FGL1: variants seen among roughly 807,000 people sequenced by gnomAD.
FGL1 encodes the protein fibrinogen-like protein 1.
In FGL1, 59 loss-of-function variants were observed where a neutral mutation model predicts 43.7. That is an observed-to-expected ratio of 1.35 (90% CI 1.10 to 1.68). FGL1 has a LOEUF of 1.68. Among genes scored for constraint, FGL1 ranks in the 40% most tolerant of loss-of-function variants. FGL1 has a pLI of 0.00. For missense variants in FGL1, 596 were observed against 373.0 expected, an observed-to-expected ratio of 1.60 and a Z score of -4.92; for synonymous variants, 192 against 126.5, an observed-to-expected ratio of 1.52 and a Z score of -3.48.
intron 1 of FGL1, chr8:17,891,607 T>C (rs933128805): frequency 2.3e-5 from 19 of 822,160 alleles, no homozygotes; most frequent in East Asian, 1.2e-4. Flanking sequence ...GTACATGTTT[T>C]GGGGGCACAG....
At chr8:17,882,264 T>C in intron 2 of FGL1, 85 bp from the exon 3 acceptor site, 1 of 1,278,588 alleles carries the variant, frequency 7.8e-7, no homozygotes. Flanking sequence ...AAATCAGTGA[T>C]TCCATTTTGT....
chr8:17,865,482 A>T (rs550462967), intron 7 of FGL1, among the ~76,000 whole-genome samples: 8 of 152,304 alleles, frequency 5.3e-5, no homozygotes, highest in African/African-American at 1.9e-4. Context: ...GGGTAAGCAA[A>T]CAAACCTAAA....
At chr8:17,889,391 A>C (rs1328446349) in intron 1 of FGL1, among the ~76,000 whole-genome samples, 1 of 152,040 alleles carries the variant, frequency 6.6e-6, no homozygotes, top group African/African-American at 2.4e-5. Context: ...CGCTACTAAA[A>C]ATACAAAAAT....
intron 1 of FGL1, among the ~76,000 whole-genome samples, chr8:17,893,862 T>G (rs2053740806): frequency 6.8e-6 from 1 of 147,470 alleles, no homozygotes; most frequent in Admixed American, 6.7e-5. Context: ...ACAGTAAAGT[T>G]GTATCAAATT....
At chr8:17,892,605 G>T (rs2053720145) in intron 1 of FGL1, among the ~76,000 whole-genome samples, 1 of 152,144 alleles carries the variant, frequency 6.6e-6, no homozygotes, top group Non-Finnish European at 1.5e-5. Context: ...TCTTCTGACT[G>T]AAAATAACCA....
At chr8:17,887,626 G>T (rs2053648478) in intron 1 of FGL1, among the ~76,000 whole-genome samples, 1 of 152,098 alleles carries the variant, frequency 6.6e-6, no homozygotes, top group Non-Finnish European at 1.5e-5. Flanking sequence ...GAGGCGGGCG[G>T]ATCACTGAGG....
At chr8:17,874,304 G>T in intron 4 of FGL1, 58 bp downstream of exon 4, 2 of 1,549,074 alleles carry the variant, frequency 1.3e-6, no homozygotes, top group South Asian at 2.3e-5. Context: ...CAAAATATTT[G>T]ACTTATAAAT....
Position 17,868,573 on chromosome 8 carries a change from C to G in FGL1, c.754G>C (p.Asp252His). The change falls in exon 7 of 8, where the codon GAT becomes CAT. Residue 252 changes from aspartate to histidine, a missense_variant. Asp to His is a moderately conservative substitution (Grantham distance 81, BLOSUM62 -1). Transcript: ENST00000427924. ...CTGTTAAACCACCAGCCAGACTGAT[C>G]TTCTTCTGCGCAGTTCCCTTCATAG... ...DNYEGNCAEE[D>H]QSGWWFNRCH... 1 of 1,612,566 alleles carries G rather than the reference C, an allele frequency of 6.2e-7. No individual in the cohort carries two copies. Among genetic ancestry groups the G allele is most frequent in the Non-Finnish European group, 8.5e-7 (1 of 1,179,458 alleles).
At chr8:17,881,714 G>A (rs1199238695) in intron 3 of FGL1, among the ~76,000 whole-genome samples, 1 of 151,230 alleles carries the variant, frequency 6.6e-6, no homozygotes, top group African/African-American at 2.4e-5. Context: ...GGCACCTGTA[G>A]TCCCAGCTAC....
At chr8:17,877,658 T>A (rs1286560011) in intron 3 of FGL1, among the ~76,000 whole-genome samples, 1 of 151,626 alleles carries the variant, frequency 6.6e-6, no homozygotes, top group African/African-American at 2.4e-5. Context: ...AGTAGGTGTA[T>A]GTATTTGTTG....
At chr8:17,869,130 A>T (rs964501416) in intron 5 of FGL1, 126 bp from the exon 6 acceptor site, 2 of 587,830 alleles carry the variant, frequency 3.4e-6, no homozygotes. Context: ...ATCAGTTTTC[A>T]AAGATTAAAC....
At chr8:17,892,050 T>C (rs1311329631) in intron 1 of FGL1, among the ~76,000 whole-genome samples, 1 of 152,208 alleles carries the variant, frequency 6.6e-6, no homozygotes, top group Non-Finnish European at 1.5e-5. Context: ...AGTTTTTAGT[T>C]TGACTCGTGT....
chr8:17,875,822 G>T (rs1218683329), intron 3 of FGL1, among the ~76,000 whole-genome samples: 1 of 151,988 alleles, frequency 6.6e-6, no homozygotes, highest in African/African-American at 2.4e-5. Flanking sequence ...GGCCAGACTG[G>T]TCTCAAACTC....
At chr8:17,875,929 G>A (rs1268689239) in intron 3 of FGL1, among the ~76,000 whole-genome samples, 3 of 152,084 alleles carry the variant, frequency 2.0e-5, no homozygotes, top group Admixed American at 2.0e-4. Context: ...TGTTCCTTAA[G>A]CCACTTGAGG....
intron 3 of FGL1, among the ~76,000 whole-genome samples, chr8:17,874,923 A>AGCTACCACGGCTG (rs34146874): frequency 6.6e-6 from 1 of 151,590 alleles, no homozygotes; most frequent in Non-Finnish European, 1.5e-5. Flanking sequence ...TACAGGTGTG[A>AGCTACCACGGCTG]GCTTAGTTTC....
In FGL1 at chr8:17,874,574, CG is replaced by C. The variant is rs879270621; in HGVS notation, c.245-54del. 22 of 1,421,592 alleles carry C rather than the reference CG, an allele frequency of 1.5e-5. No homozygotes were observed. The African/African-American group carries it at 2.0e-4, about 13-fold the overall frequency. 88.1% of individuals were successfully genotyped at this position (1,421,592 alleles called of 1,614,324 possible). A position where few individuals can be genotyped will look rare whatever the true frequency, so the allele number is the denominator to read the frequency against. On this transcript the variant is annotated intron_variant, in intron 3 of 7. Transcript: ENST00000427924. ...TTCATTATGTGTCTTTTTCTCCCCC[CG>C]CCTTAGGGAGCCTCTGAATGAGACT...
At chr8:17,889,471 A>G (rs1157619582) in intron 1 of FGL1, among the ~76,000 whole-genome samples, 1 of 152,146 alleles carries the variant, frequency 6.6e-6, no homozygotes, top group Non-Finnish European at 1.5e-5. Flanking sequence ...AATCACTTGA[A>G]CCTGGGAGGC....
At chr8:17,881,118 A>C (rs35737270) in intron 3 of FGL1, among the ~76,000 whole-genome samples, 5,201 of 148,880 alleles carry the variant, frequency 0.035, 345 homozygotes, top group African/African-American at 0.12. Context: ...TCCCAATTGT[A>C]ATCTGCCATG....
At chr8:17,870,545 C>G (rs2653411) in intron 5 of FGL1, among the ~76,000 whole-genome samples, 19,685 of 152,120 alleles carry the variant, frequency 0.13, 1,703 homozygotes, top group African/African-American at 0.25. Context: ...CTGAATAGTC[C>G]TATCACCTAG....
Sources: allele counts gnomAD v4.1 joint callset (sites outside exome capture counted in the v4.1 genomes callset), GRCh38; gene constraint gnomAD v4.1.1; transcripts MANE v1.5; gene names NCBI Gene and HGNC (gene_info 2026-07-23, HGNC 2026-07-21).